The following CUX1 variants were observed in gnomAD, a reference collection of about 807,000 sequenced individuals.
The protein encoded by CUX1 is cut like homeobox 1, also known as protein CASP.
Under a neutral mutation model 158.8 loss-of-function variants are expected in CUX1, and 31 were observed. The ratio of observed to expected loss-of-function variants is 0.20; its 90% CI spans 0.15 to 0.26. The LOEUF is 0.26. Among genes scored for constraint, CUX1 ranks in the 10% least tolerant of loss-of-function variants. The pLI is 1.00. For synonymous variants in CUX1, 879 were observed against 862.1 expected, an observed-to-expected ratio of 1.02 and a Z score of -0.34; for missense variants, 1,589 against 2,014.6, an observed-to-expected ratio of 0.79 and a Z score of 4.04.
intron 8 of CUX1, among the ~76,000 whole-genome samples, chr7:102,144,084 G>T (rs1269053946): frequency 1.3e-5 from 2 of 152,122 alleles, no homozygotes; most frequent in African/African-American, 4.8e-5. Context: ...GCCCAGCCAG[G>T]ACGGCCACTT....
At chr7:101,937,548 T>C (rs965340400) in intron 2 of CUX1, among the ~76,000 whole-genome samples, 2 of 151,558 alleles carry the variant, frequency 1.3e-5, no homozygotes, top group African/African-American at 4.9e-5. Flanking sequence ...TCTCGCTCTG[T>C]CTCCCAGGCT....
At chr7:102,066,881 A>G (rs1825604515) in intron 3 of CUX1, among the ~76,000 whole-genome samples, 1 of 152,266 alleles carries the variant, frequency 6.6e-6, no homozygotes, top group South Asian at 2.1e-4. Flanking sequence ...TGAGAAAGAT[A>G]CATGATACGA....
intron 2 of CUX1, among the ~76,000 whole-genome samples, chr7:101,935,936 A>C (rs528962530): frequency 6.6e-6 from 1 of 152,294 alleles, no homozygotes; most frequent in African/African-American, 2.4e-5. Flanking sequence ...GGAACAGCTG[A>C]GACACTGTTT....
chr7:102,104,356 A>C lies in CUX1; in HGVS notation c.427A>C (p.Lys143Gln), dbSNP rs1259786401. Residue 143 changes from lysine to glutamine, a missense_variant, in exon 6 of 24, where the codon AAA becomes CAA. Lys to Gln is a moderately conservative substitution (Grantham distance 53). Coordinates refer to ENST00000292535, the MANE Select transcript of CUX1 (RefSeq NM_181552.4). ...TGCAGAGGTTACGATAAAAGCACTT[A>C]AAGAGAAAATCCGAGAATATGAACA... is the stretch of plus-strand genomic sequence containing the variant. ...KNQEVTIKAL[K>Q]EKIREYEQTL... 1.9e-6 allele frequency: 3 copies of C among 1,608,760 alleles called. No homozygotes were observed. The highest frequency in any genetic ancestry group is 1.7e-6 in the Non-Finnish European group (2 of 1,179,054).
intron 2 of CUX1, among the ~76,000 whole-genome samples, chr7:101,965,785 C>T (rs1811114754): frequency 1.5e-5 from 2 of 131,442 alleles, no homozygotes; most frequent in South Asian, 5.3e-4. Context: ...GGAGGCAGAG[C>T]TTGCAGTGAG....
chr7:101,993,650 A>C (rs1815436880), intron 2 of CUX1, among the ~76,000 whole-genome samples: 1 of 152,188 alleles, frequency 6.6e-6, no homozygotes, highest in Non-Finnish European at 1.5e-5. Context: ...AAGCACCTCC[A>C]CGGCCTAGCT....
intron 3 of CUX1, among the ~76,000 whole-genome samples, chr7:102,029,310 C>T (rs1260811176): frequency 2.0e-5 from 3 of 152,000 alleles, no homozygotes; most frequent in Non-Finnish European, 4.4e-5. Context: ...TATTTTCTTG[C>T]AACTGCTAAG....
chr7:101,960,053 G>A (rs577864341), intron 2 of CUX1: 2 of 152,206 alleles, frequency 1.3e-5, no homozygotes, highest in East Asian at 3.9e-4. Context: ...AGCTTTTTCC[G>A]GCGCCTGGTT....
intron 10 of CUX1, among the ~76,000 whole-genome samples, chr7:102,174,140 G>T (rs1320886314): frequency 6.6e-6 from 1 of 152,124 alleles, no homozygotes; most frequent in African/African-American, 2.4e-5. Flanking sequence ...TTTTTAGTGA[G>T]ATGTAGCCCC....
chr7:102,186,025 G>A (rs1391846304), intron 11 of CUX1, among the ~76,000 whole-genome samples: 3 of 152,222 alleles, frequency 2.0e-5, no homozygotes, highest in East Asian at 1.9e-4. Context: ...GGAGGAGTGC[G>A]TCTTCAGAGA....
intron 2 of CUX1, among the ~76,000 whole-genome samples, chr7:102,014,882 A>G (rs78872107): frequency 2.6e-5 from 4 of 151,418 alleles, no homozygotes; most frequent in Admixed American, 2.0e-4. Flanking sequence ...AAAGAAAAAA[A>G]GCATCTAAAA....
At chr7:101,913,244 C>T in intron 1 of CUX1, 2 of 554,160 alleles carry the variant, frequency 3.6e-6, no homozygotes, top group South Asian at 3.6e-5. Flanking sequence ...AGTCTCTCCT[C>T]CTCGCTGTGC....
intron 9 of CUX1, among the ~76,000 whole-genome samples, chr7:102,161,650 A>C (rs1002018287): frequency 1.3e-5 from 2 of 152,300 alleles, no homozygotes; most frequent in South Asian, 4.1e-4. Context: ...TACTCTTGTC[A>C]TCTAGGCTGG....
At position 102,256,470 on chromosome 7, in the gene CUX1, T is replaced by TC. The variant is rs1169297188; in HGVS notation, c.*7433dup. ...CCTCTGCCTTCCTCTCCTCCCCTAC[T>TC]CCCCCAGAGAACCAAGGCGTCTGGG... On this transcript the variant is annotated 3_prime_UTR_variant, in exon 24 of 24. Transcript: ENST00000292535. 1.0e-6 allele frequency: 1 copy of TC among 985,188 alleles called. No homozygotes were observed. The highest frequency in any genetic ancestry group is 1.2e-6 in the Non-Finnish European group (1 of 829,876). The allele number at this position is 985,188 out of a possible 1,614,324, so 61.0% of individuals were successfully genotyped here.
At chr7:102,216,594 A>G (rs1483015475) in intron 20 of CUX1, among the ~76,000 whole-genome samples, 1 of 35,876 alleles carries the variant, frequency 2.8e-5, no homozygotes, top group South Asian at 1.1e-3. Flanking sequence ...CCACACACAC[A>G]CTCCCACACA....
Position 102,204,575 on chromosome 7 carries a change from C to T in CUX1, c.3073+19C>T, listed in dbSNP as rs782003682. On this transcript the variant is annotated intron_variant, in intron 19 of 23. Coordinates refer to ENST00000292535, the MANE Select transcript of CUX1 (RefSeq NM_181552.4). ...GGGCCAGGTAATGGGGGTCCTGCCACAGGAGAGGGGCTGCCCCCCCATAGC... is the reference window on the plus strand; with the variant it reads ...GGGCCAGGTAATGGGGGTCCTGCCATAGGAGAGGGGCTGCCCCCCCATAGC... The T allele has an allele frequency of 2.1e-5, 34 of 1,609,782 alleles. No individual in the cohort carries two copies. Among genetic ancestry groups the T allele is most frequent in the Non-Finnish European group, 2.9e-5 (34 of 1,177,502 alleles).
Position 102,070,522 on chromosome 7 carries a change from C to T in CUX1, c.268+105C>T. 4 of 779,866 alleles carry T rather than the reference C, an allele frequency of 5.1e-6. No homozygotes were observed. In the South Asian group the frequency reaches 6.4e-5, roughly 12 times the overall value. 48.3% of individuals were successfully genotyped at this position (779,866 alleles called of 1,614,324 possible). On this transcript the variant is annotated intron_variant, in intron 4 of 23. Coordinates refer to ENST00000292535, the MANE Select transcript of CUX1 (RefSeq NM_181552.4). ...GCTTTCCTAAGGAAAATAAATACAC[C>T]ATCAGTGGCAACTTCCCCCCAAGAA...
intron 20 of CUX1, among the ~76,000 whole-genome samples, chr7:102,223,675 A>G (rs1554527795): frequency 6.6e-6 from 1 of 152,160 alleles, no homozygotes. Context: ...AATAATAAAA[A>G]AAGAAAAAAA....
intron 1 of CUX1, among the ~76,000 whole-genome samples, chr7:101,876,047 G>A (rs148708892): frequency 1.5e-4 from 23 of 152,184 alleles, no homozygotes; most frequent in Non-Finnish European, 2.5e-4. Context: ...GAAGTAACAC[G>A]TCAAATACTG....
Sources: allele counts gnomAD v4.1 joint callset (sites outside exome capture counted in the v4.1 genomes callset), GRCh38; gene constraint gnomAD v4.1.1; transcripts MANE v1.5; gene names NCBI Gene and HGNC (gene_info 2026-07-23, HGNC 2026-07-21).